SNED1: variants seen among roughly 807,000 people sequenced by gnomAD.
SNED1 encodes sushi, nidogen and EGF like domains 1, also known as sushi, nidogen and EGF-like domain-containing protein 1.
Under a neutral mutation model 166.7 loss-of-function variants are expected in SNED1, and 81 were observed. That is an observed-to-expected ratio of 0.49 (90% CI 0.41 to 0.58). The LOEUF is 0.58. Among genes scored for constraint, SNED1 ranks in the 20% least tolerant of loss-of-function variants. The pLI is 0.00. For synonymous variants in SNED1, 762 were observed against 822.0 expected, an observed-to-expected ratio of 0.93 and a Z score of 1.25; for missense variants, 1,604 against 2,000.2, an observed-to-expected ratio of 0.80 and a Z score of 3.78.
intron 4 of SNED1, 136 bp downstream of exon 4, chr2:241,034,866 T>G: frequency 1.0e-6 from 1 of 992,802 alleles, no homozygotes; most frequent in Non-Finnish European, 1.5e-6. Flanking sequence ...CCAGCCCACC[T>G]CAGGCGTGTG....
In SNED1 at chr2:241,063,672, A is replaced by G; in HGVS notation, c.2457A>G (p.Ala819=). ...LPGAYVCRCP[A]GFVGVHCETE... ...GGGCCTATGTCTGCCGGTGCCCTGC[A>G]GGCTTCGTTGGAGTCCACTGTGAGA... The change falls in exon 18 of 32, where the codon GCA becomes GCG. Residue 819 remains alanine (A), a synonymous_variant. Transcript: ENST00000310397. 2 of 1,611,524 alleles carry G rather than the reference A, an allele frequency of 1.2e-6. No homozygotes were observed. Among genetic ancestry groups the G allele is most frequent in the Middle Eastern group, 1.7e-4 (1 of 6,048 alleles).
chr2:241,050,170 G>A (rs1416019824), intron 12 of SNED1: 4 of 573,156 alleles, frequency 7.0e-6, no homozygotes, highest in Non-Finnish European at 1.3e-5. Context: ...TCTGAAAATA[G>A]GCTTCATTGC....
chr2:241,058,141 C>A (rs1024401216), intron 16 of SNED1, among the ~76,000 whole-genome samples: 4 of 152,162 alleles, frequency 2.6e-5, no homozygotes, highest in Middle Eastern at 3.4e-3. Context: ...GGCGTATTAG[C>A]TATATTACTA....
At chr2:241,089,860 T>C in intron 31 of SNED1, 1 of 1,450,080 alleles carries the variant, frequency 6.9e-7, no homozygotes, top group Admixed American at 2.8e-5. Context: ...GCTCCCGGGC[T>C]ACACACCACA....
At chr2:241,037,013 A>C in intron 5 of SNED1, 98 bp downstream of exon 5, 1 of 1,407,672 alleles carries the variant, frequency 7.1e-7, no homozygotes, top group Non-Finnish European at 9.6e-7. Context: ...CCAGGGTCCC[A>C]GGTCAGGAGT....
chr2:241,001,063 C>T (rs2060062682), intron 1 of SNED1, among the ~76,000 whole-genome samples: 1 of 152,242 alleles, frequency 6.6e-6, no homozygotes, highest in Non-Finnish European at 1.5e-5. Flanking sequence ...GGACCCTCTT[C>T]TGAGGCCCCT....
At chr2:241,086,844 T>C (rs78834872) in intron 29 of SNED1, among the ~76,000 whole-genome samples, 3,480 of 152,338 alleles carry the variant, frequency 0.023, 292 homozygotes, top group East Asian at 0.23. Context: ...GTAAGAGAGA[T>C]GGTATGAGTA....
At chr2:241,071,902 C>A in intron 26 of SNED1, 24 bp downstream of exon 26, 1 of 1,570,630 alleles carries the variant, frequency 6.4e-7, no homozygotes, top group Non-Finnish European at 8.7e-7. Flanking sequence ...CCTCCCCACC[C>A]ACCTTGGTGG....
intron 27 of SNED1, chr2:241,074,213 A>G (rs35143206): frequency 0.23 from 34,246 of 152,008 alleles, 4,168 homozygotes; most frequent in Middle Eastern, 0.31. Flanking sequence ...TCTCAAGGAC[A>G]TGTGTACACA....
chr2:241,071,718 C>CCCCCGGGAA lies in SNED1; in HGVS notation c.3732_3733insCCCCGGGAA (p.Pro1244_Arg1245insProArgGlu). The CCCCCGGGAA allele has an allele frequency of 2.0e-6, 3 of 1,503,662 alleles. No homozygotes were observed. Among genetic ancestry groups the CCCCCGGGAA allele is most frequent in the Non-Finnish European group, 2.7e-6 (3 of 1,112,808 alleles). The allele number at this position is 1,503,662 out of a possible 1,614,324, so 93.1% of individuals were successfully genotyped here. On this transcript the variant is annotated inframe_insertion and splice_region_variant, in exon 25 of 32. Coordinates refer to ENST00000310397, the MANE Select transcript of SNED1 (RefSeq NM_001080437.3). ...CCCCCGAGACCCCCACCCAGCCCCC[C>CCCCCGGGAA]AGGTACATGCCCCACCCATCGGCCC...
intron 8 of SNED1, chr2:241,040,995 G>A (rs2061507459): frequency 2.6e-6 from 1 of 386,944 alleles, no homozygotes; most frequent in Non-Finnish European, 5.2e-6. Flanking sequence ...CACCCACTGT[G>A]CCGACTTCTG....
chr2:241,016,223 C>T (rs1206172329), intron 1 of SNED1, among the ~76,000 whole-genome samples: 1 of 102,662 alleles, frequency 9.7e-6, no homozygotes, highest in East Asian at 3.5e-4. Context: ...GAGATGGAGT[C>T]TTGCTCTGTC....
rs118068215 is a variant in SNED1 at position 241,014,940 on chromosome 2, G to A, written c.214-15344G>A. 1.8e-4 allele frequency among the ~76,000 whole-genome samples: 27 copies of A among 152,230 alleles called. 1 individual carries two copies. The East Asian group carries it at 3.1e-3, about 17-fold the overall frequency. Reference sequence around the variant, plus strand: ...CCGCCTCTCCCCACACACCCCCAGCGCCGTTGTGGCTGTTCCCGGGCTCTC... The same window carrying A: ...CCGCCTCTCCCCACACACCCCCAGCACCGTTGTGGCTGTTCCCGGGCTCTC... On this transcript the variant is annotated intron_variant, in intron 1 of 31. Coordinates refer to ENST00000310397, the MANE Select transcript of SNED1 (RefSeq NM_001080437.3).
intron 8 of SNED1, among the ~76,000 whole-genome samples, chr2:241,041,934 C>A (rs569383626): frequency 6.6e-6 from 1 of 152,290 alleles, no homozygotes; most frequent in South Asian, 2.1e-4. Context: ...ATCTGTGAAA[C>A]CCTTTTCAGC....
chr2:241,088,352 C>T lies in SNED1; in HGVS notation c.4206-13C>T. The T allele has an allele frequency of 1.2e-6, 2 of 1,600,986 alleles. No homozygotes were observed. The highest frequency in any genetic ancestry group is 1.7e-6 in the Non-Finnish European group (2 of 1,168,066). ...CTCTTTTTCATTAAACGACTTTTCT[C>T]TAATTATTTCAGGAAACAAAGTAAG... On this transcript the variant is annotated splice_polypyrimidine_tract_variant and intron_variant, in intron 30 of 31. Transcript: ENST00000310397.
chr2:241,037,269 C>A lies in SNED1; in HGVS notation c.961C>A (p.Gln321Lys), dbSNP rs1295446659. 1.2e-6 allele frequency: 2 copies of A among 1,611,322 alleles called. No individual in the cohort carries two copies. The highest frequency in any genetic ancestry group is 3.3e-5 in the Admixed American group (2 of 59,790). ...DVNECASQPC[Q>K]NGGTCTHGIN... ...GAACGAATGTGCCTCCCAGCCCTGT[C>A]AGAATGGTGGGACCTGTACTCACGG... The change falls in exon 6 of 32, where the codon CAG becomes AAG. Residue 321 changes from glutamine to lysine, a missense_variant. Transcript: ENST00000310397.
chr2:241,022,856 G>T (rs2060811800), intron 1 of SNED1, among the ~76,000 whole-genome samples: 1 of 152,086 alleles, frequency 6.6e-6, no homozygotes. Flanking sequence ...TTATTATAAA[G>T]CTGTTTATAA....
In SNED1 at chr2:241,088,653, G is replaced by A. The variant is rs960533563; in HGVS notation, c.*1+251G>A. On this transcript the variant is annotated intron_variant, in intron 31 of 31. Coordinates refer to ENST00000310397, the MANE Select transcript of SNED1 (RefSeq NM_001080437.3). The stretch of plus-strand genomic sequence containing the variant: ...TGGAAATGAGGCTCTCTGTGGATAG[G>A]GCAAATCCCACTCTCTCTCAAGGGA... 3.7e-5 allele frequency: 19 copies of A among 517,916 alleles called. No homozygotes were observed. In the African/African-American group the frequency reaches 3.7e-4, roughly 10 times the overall value. 32.1% of individuals were successfully genotyped at this position (517,916 alleles called of 1,614,324 possible). A position where few individuals can be genotyped will look rare whatever the true frequency, so the allele number is the denominator to read the frequency against.
Position 241,073,118 on chromosome 2 carries a change from C to T in SNED1, c.3818-148C>T, listed in dbSNP as rs370164947. ...CCTTCAGGGGAGGCAGCTCTGGGGC[C>T]GACAGGTGCTGGGGCCACGCAGGGA... On this transcript the variant is annotated intron_variant, in intron 26 of 31. Transcript: ENST00000310397. This position sits in a 1 kb window ranked among gnomAD's most constrained non-coding sequence, Gnocchi z 6.6. 8 of 612,178 alleles carry T rather than the reference C, an allele frequency of 1.3e-5. No individual in the cohort carries two copies. The highest frequency in any genetic ancestry group is 5.7e-5 in the Admixed American group (2 of 35,020). The allele number at this position is 612,178 out of a possible 1,614,324, so 37.9% of individuals were successfully genotyped here.
Sources: gnomAD v4.1 joint callset for allele counts (sites outside exome capture counted in the v4.1 genomes callset) on GRCh38, gnomAD v4.1.1 for gene constraint, Gnocchi (gnomAD v3.1) non-coding constraint, MANE v1.5 for transcripts, NCBI Gene and HGNC (gene_info 2026-07-23, HGNC 2026-07-21) for gene names.